Variants in PREX2 observed in about 807,000 individuals in gnomAD.
PREX2 encodes phosphatidylinositol 3,4,5-trisphosphate-dependent Rac exchanger 2 protein.
A neutral mutation model predicts 203.2 loss-of-function variants in PREX2; 107 were observed. The observed-to-expected ratio is 0.53, with a 90% confidence interval of 0.45 to 0.62. The LOEUF (loss-of-function observed/expected upper bound fraction) is 0.62, where lower values mean the gene tolerates loss of function less well. PREX2 is among the 20% of genes least tolerant of loss of function. PREX2 has a pLI of 0.00. For synonymous variants in PREX2, 672 were observed against 663.6 expected (o/e 1.01, Z -0.19); for missense variants, 1,777 against 1,955.9 (o/e 0.91, Z 1.72).
rs760315089 is a variant in PREX2 at position 68,077,422 on chromosome 8, C to G, written c.1595C>G (p.Ala532Gly). Residue 532 changes from alanine to glycine, a missense_variant, in exon 15 of 40, where the codon GCA (alanine) becomes GGA (glycine). By Grantham distance (60) the Ala-to-Gly change is moderately conservative. Coordinates refer to ENST00000288368, the MANE Select transcript of PREX2 (RefSeq NM_024870.4). ...AQGDCRTREE[A>G]MIFGVGLCDN... is the part of the protein sequence containing the mutation. ...GGAGATTGCCGCACCAGAGAAGAGG[C>G]AATGATATTTGGCGTTGGACTCTGT... is the stretch of plus-strand genomic sequence containing the variant. 1 of 1,613,642 alleles carries G rather than the reference C, an allele frequency of 6.2e-7. No individual in the cohort carries two copies. Among genetic ancestry groups the G allele is most frequent in the African/African-American group, 1.3e-5 (1 of 74,910 alleles).
At chr8:68,019,421 C>A in intron 2 of PREX2, 128 bp from the exon 3 acceptor site, 1 of 657,522 alleles carries the variant, frequency 1.5e-6, no homozygotes, top group Non-Finnish European at 2.4e-6. Context: ...AAAATTGAGG[C>A]TCTGTCGGCA....
chr8:68,192,696 CTATT>C (rs1192608563), intron 37 of PREX2, 171 bp downstream of exon 37: 3 of 506,434 alleles, frequency 5.9e-6, no homozygotes, highest in African/African-American at 4.6e-5. Flanking sequence ...TTTTCAGTGA[CTATT>C]TAGTCATACA....
chr8:68,177,282 G>A (rs907995378), intron 35 of PREX2: 11 of 152,212 alleles, frequency 7.2e-5, no homozygotes, highest in African/African-American at 2.7e-4. Context: ...TTGTGGCCAG[G>A]TGCGGTGGCT....
At chr8:68,029,678 G>A (rs1250079511) in intron 5 of PREX2, among the ~76,000 whole-genome samples, 2 of 152,096 alleles carry the variant, frequency 1.3e-5, no homozygotes, top group African/African-American at 4.8e-5. Flanking sequence ...ACCATAGTAA[G>A]GAAACACATG....
At chr8:68,027,760 T>C (rs1167127213) in intron 5 of PREX2, among the ~76,000 whole-genome samples, 1 of 152,106 alleles carries the variant, frequency 6.6e-6, no homozygotes, top group African/African-American at 2.4e-5. Context: ...GGATTTAAAA[T>C]TATTATTCAA....
chr8:68,216,159 A>C (rs1812834629), intron 37 of PREX2, among the ~76,000 whole-genome samples: 1 of 152,238 alleles, frequency 6.6e-6, no homozygotes, highest in African/African-American at 2.4e-5. Context: ...TACAACAAGA[A>C]TGTTTTAAAT....
At chr8:67,965,653 A>G (rs1805750252) in intron 1 of PREX2, among the ~76,000 whole-genome samples, 1 of 152,172 alleles carries the variant, frequency 6.6e-6, no homozygotes, top group Non-Finnish European at 1.5e-5. Flanking sequence ...AAATGAATCC[A>G]TTGTTAAAAA....
chr8:67,992,362 C>T (rs746774632), intron 1 of PREX2, among the ~76,000 whole-genome samples: 3 of 152,100 alleles, frequency 2.0e-5, no homozygotes, highest in Non-Finnish European at 4.4e-5. Flanking sequence ...GGATAAATGT[C>T]TAATTTGTAT....
At chr8:68,138,616 ATGAT>A (rs1012855909) in intron 33 of PREX2, 99 bp downstream of exon 33, 9 of 533,988 alleles carry the variant, frequency 1.7e-5, no homozygotes, top group South Asian at 3.4e-5. Flanking sequence ...TATGAACTGA[ATGAT>A]TGAAATGTAT....
chr8:68,234,101 A>G lies in PREX2; in HGVS notation c.*2723A>G, dbSNP rs1459934754. 1 of 152,220 alleles carries G rather than the reference A, an allele frequency of 6.6e-6. No homozygotes were observed. Among genetic ancestry groups the G allele is most frequent in the Non-Finnish European group, 1.5e-5 (1 of 68,024 alleles). 9.4% of individuals were successfully genotyped at this position (152,220 alleles called of 1,614,324 possible). On this transcript the variant is annotated 3_prime_UTR_variant, in exon 40 of 40. Coordinates refer to ENST00000288368, the MANE Select transcript of PREX2 (RefSeq NM_024870.4). ...CATGTTCCTCCTCATCAAAAATAACAGTTTTAGATAGTACATCTCATACAA... is the reference window on the plus strand; with the variant it reads ...CATGTTCCTCCTCATCAAAAATAACGGTTTTAGATAGTACATCTCATACAA...
intron 37 of PREX2, among the ~76,000 whole-genome samples, chr8:68,214,290 C>G (rs905941598): frequency 3.3e-5 from 5 of 152,122 alleles, no homozygotes; most frequent in Non-Finnish European, 5.9e-5. Flanking sequence ...GTCCCAGCTA[C>G]TTGGAAGGCT....
chr8:67,957,969 G>C (rs777037144), intron 1 of PREX2, among the ~76,000 whole-genome samples: 1 of 152,188 alleles, frequency 6.6e-6, no homozygotes, highest in Non-Finnish European at 1.5e-5. Flanking sequence ...TGGACACACA[G>C]AGAGATACTG....
intron 36 of PREX2, 115 bp downstream of exon 36, chr8:68,191,903 A>G (rs1812301601): frequency 1.4e-6 from 1 of 691,886 alleles, no homozygotes; most frequent in South Asian, 1.9e-5. Context: ...CTAAGTAGGG[A>G]GCTAGTCTGT....
intron 13 of PREX2, among the ~76,000 whole-genome samples, chr8:68,071,664 G>T (rs989070181): frequency 1.3e-5 from 2 of 152,150 alleles, no homozygotes; most frequent in Admixed American, 1.3e-4. Flanking sequence ...TGGTTTCTCA[G>T]TTCTGGGAAA....
intron 34 of PREX2, among the ~76,000 whole-genome samples, chr8:68,154,343 T>G (rs1271360569): frequency 6.6e-6 from 1 of 152,248 alleles, no homozygotes; most frequent in Admixed American, 6.5e-5. Flanking sequence ...AGTATTTAAT[T>G]AAATTCTTTC....
intron 1 of PREX2, among the ~76,000 whole-genome samples, chr8:67,961,139 A>C (rs1805622824): frequency 6.6e-6 from 1 of 152,008 alleles, no homozygotes; most frequent in Non-Finnish European, 1.5e-5. Context: ...CACTTGTTTT[A>C]AACAGCATTT....
At chr8:68,139,991 G>C (rs1468989128) in intron 33 of PREX2, among the ~76,000 whole-genome samples, 1 of 152,156 alleles carries the variant, frequency 6.6e-6, no homozygotes, top group Admixed American at 6.6e-5. Context: ...AACCTGATAT[G>C]TTGTTTAAAG....
intron 11 of PREX2, among the ~76,000 whole-genome samples, chr8:68,064,834 G>A (rs919229507): frequency 6.6e-6 from 1 of 152,148 alleles, no homozygotes; most frequent in Admixed American, 6.5e-5. Context: ...AGTGACTTTA[G>A]GTTGGAAACT....
intron 37 of PREX2, among the ~76,000 whole-genome samples, chr8:68,198,125 A>C (rs1416018314): frequency 1.3e-5 from 2 of 152,174 alleles, no homozygotes; most frequent in African/African-American, 2.4e-5. Context: ...TGTACAGTAC[A>C]CCAGTGGAAT....
Sources: allele counts gnomAD v4.1 joint callset (sites outside exome capture counted in the v4.1 genomes callset), GRCh38; gene constraint gnomAD v4.1.1; transcripts MANE v1.5; gene names NCBI Gene and HGNC (gene_info 2026-07-23, HGNC 2026-07-21).